The following PCDHGB6 variants were observed in gnomAD, a reference collection of about 807,000 sequenced individuals.
The protein encoded by PCDHGB6 is protocadherin gamma subfamily B, 6.
PCDHGB6 carries 51 observed loss-of-function variants against 59.1 expected under a neutral mutation model. That is an observed-to-expected ratio of 0.86 (90% CI 0.69 to 1.09). The LOEUF is 1.09. Among genes scored for constraint, PCDHGB6 ranks in the 50% least tolerant of loss-of-function variants. The pLI, the probability that PCDHGB6 is intolerant of heterozygous loss-of-function variation, is 0.00. For synonymous variants in PCDHGB6, 466 were observed against 495.1 expected (o/e 0.94, Z 0.78); for missense variants, 1,148 against 1,205.1 (o/e 0.95, Z 0.70).
intron 1 of PCDHGB6, chr5:141,492,007 C>T (rs1261430567): frequency 3.0e-5 from 19 of 628,956 alleles, no homozygotes; most frequent in Non-Finnish European, 4.6e-5. Flanking sequence ...GCGATTTCCG[C>T]GGGTGTCGGG....
At chr5:141,500,876 A>G (rs909126749) in intron 2 of PCDHGB6, among the ~76,000 whole-genome samples, 1 of 124,952 alleles carries the variant, frequency 8.0e-6, no homozygotes, top group African/African-American at 3.5e-5. Flanking sequence ...ATTCATTTAC[A>G]ATTTTTTTTT....
chr5:141,492,833 C>T (rs951935267), intron 1 of PCDHGB6, among the ~76,000 whole-genome samples: 2 of 152,222 alleles, frequency 1.3e-5, no homozygotes, highest in African/African-American at 4.8e-5. Flanking sequence ...CCCTTCCTCC[C>T]GCAGGAAGTG....
chr5:141,450,565 C>A (rs1024229182), intron 1 of PCDHGB6, among the ~76,000 whole-genome samples: 4 of 152,016 alleles, frequency 2.6e-5, no homozygotes, highest in African/African-American at 9.7e-5. Flanking sequence ...CGGCTCACTG[C>A]AACTTCTGCC....
chr5:141,415,040 C>A (rs772941952), intron 1 of PCDHGB6: 3 of 1,613,520 alleles, frequency 1.9e-6, no homozygotes, highest in Non-Finnish European at 2.5e-6. Flanking sequence ...GGACTCTTCG[C>A]GGTGGGGGAG....
chr5:141,460,511 A>G (rs533913282), intron 1 of PCDHGB6, among the ~76,000 whole-genome samples: 2 of 152,286 alleles, frequency 1.3e-5, no homozygotes, highest in Admixed American at 1.3e-4. Context: ...TGAGAAGGCT[A>G]TCTTTTCCCC....
At chr5:141,444,183 T>G (rs2098423667) in intron 1 of PCDHGB6, among the ~76,000 whole-genome samples, 1 of 138,396 alleles carries the variant, frequency 7.2e-6, no homozygotes, top group African/African-American at 2.8e-5. Flanking sequence ...TTTTTTTTTT[T>G]TTTTTGAGAT....
In PCDHGB6 at chr5:141,431,318, G is replaced by T. The variant is rs1309389474; in HGVS notation, c.2418+20698G>T. The T allele has an allele frequency of 6.2e-7, 1 of 1,614,086 alleles. No individual in the cohort carries two copies. Among genetic ancestry groups the T allele is most frequent in the African/African-American group, 1.3e-5 (1 of 75,050 alleles). ...CTCCCTCATCGTGCAAAATGGAGCCGACGGTAGTAAGTACCCCGAATTGGT... is the reference window on the plus strand; with the variant it reads ...CTCCCTCATCGTGCAAAATGGAGCCTACGGTAGTAAGTACCCCGAATTGGT... On this transcript the variant is annotated intron_variant, in intron 1 of 3. Coordinates refer to ENST00000520790, the MANE Select transcript of PCDHGB6 (RefSeq NM_018926.3). The surrounding 1 kb of genome is among the most constrained non-coding windows in gnomAD (Gnocchi z 4.8).
chr5:141,483,257 T>G, intron 1 of PCDHGB6, among the ~76,000 whole-genome samples: 1 of 137,924 alleles, frequency 7.3e-6, no homozygotes, highest in East Asian at 1.9e-4. Flanking sequence ...ATCATGAGGT[T>G]TTTTTGTTTT....
chr5:141,413,588 A>G, intron 1 of PCDHGB6: 1 of 1,613,922 alleles, frequency 6.2e-7, no homozygotes, highest in Non-Finnish European at 8.5e-7. Context: ...CCAAAATTCC[A>G]AGCAGAAAAT....
In PCDHGB6 at chr5:141,422,062, A is replaced by G. The variant is rs776838280; in HGVS notation, c.2418+11442A>G. The G allele has an allele frequency of 1.2e-6, 2 of 1,612,022 alleles. No individual in the cohort carries two copies. The highest frequency in any genetic ancestry group is 2.7e-5 in the African/African-American group (2 of 74,802). ...AGACGAGGGAATCAACGGGGAAGTAATGTATTCATTTCGGAACATGGAAAG... is the reference window on the plus strand; with the variant it reads ...AGACGAGGGAATCAACGGGGAAGTAGTGTATTCATTTCGGAACATGGAAAG... On this transcript the variant is annotated intron_variant, in intron 1 of 3. Transcript: ENST00000520790.
Position 141,491,498 on chromosome 5 carries a change from C to G in PCDHGB6, c.2419-3309C>G. Reference sequence around the variant, plus strand: ...TCCAGCCCCAACCTGCAGGTGAGCTCGGACGGCACGCTCAAGTACATGGAG... The same window carrying G: ...TCCAGCCCCAACCTGCAGGTGAGCTGGGACGGCACGCTCAAGTACATGGAG... On this transcript the variant is annotated intron_variant, in intron 1 of 3. Transcript: ENST00000520790. The surrounding 1 kb of genome is among the most constrained non-coding windows in gnomAD (Gnocchi z 6.9). The G allele has an allele frequency of 6.2e-7, 1 of 1,614,102 alleles. No homozygotes were observed. Among genetic ancestry groups the G allele is most frequent in the Non-Finnish European group, 8.5e-7 (1 of 1,180,018 alleles).
intron 1 of PCDHGB6, chr5:141,478,489 C>G (rs779457709): frequency 5.6e-6 from 9 of 1,613,162 alleles, no homozygotes; most frequent in Middle Eastern, 1.6e-4. Flanking sequence ...CGCTGCGGAG[C>G]TGTGATCCGG....
chr5:141,477,901 C>T lies in PCDHGB6; in HGVS notation c.2419-16906C>T, dbSNP rs2099423750. ...GCCACCTAGTGTCACGGGTGGTAGG[C>T]TGGGACGCGGATGCAGGGCACAATG... On this transcript the variant is annotated intron_variant, in intron 1 of 3. Transcript: ENST00000520790. The surrounding 1 kb of genome is among the most constrained non-coding windows in gnomAD (Gnocchi z 4.9). The T allele has an allele frequency of 1.9e-6, 3 of 1,614,188 alleles. No homozygotes were observed. The highest frequency in any genetic ancestry group is 2.5e-6 in the Non-Finnish European group (3 of 1,180,042).
intron 1 of PCDHGB6, among the ~76,000 whole-genome samples, chr5:141,433,761 T>G (rs2154555909): frequency 6.7e-6 from 1 of 148,664 alleles, no homozygotes; most frequent in Admixed American, 6.8e-5. Context: ...TGCTTTAACC[T>G]GGGAGGTGGA....
In PCDHGB6 at chr5:141,485,507, G is replaced by A. The variant is rs766643911; in HGVS notation, c.2419-9300G>A. 6.8e-6 allele frequency: 11 copies of A among 1,614,174 alleles called. No homozygotes were observed. Among genetic ancestry groups the A allele is most frequent in the Non-Finnish European group, 8.5e-6 (10 of 1,180,036 alleles). ...CGTGCCCCTGGAGTTTGTCACCGAA[G>A]GTCCTTTGGAAATGTACCGAGCAGA... On this transcript the variant is annotated intron_variant, in intron 1 of 3. Transcript: ENST00000520790. The surrounding 1 kb of genome is among the most constrained non-coding windows in gnomAD (Gnocchi z 5.7).
rs1473137465 is a variant in PCDHGB6 at position 141,408,814 on chromosome 5, A to G, written c.612A>G (p.Glu204=). The G allele has an allele frequency of 6.8e-6, 11 of 1,613,456 alleles. No homozygotes were observed. Among genetic ancestry groups the G allele is most frequent in the Non-Finnish European group, 8.5e-6 (10 of 1,179,766 alleles). ...TGGAGAAACTCCTAGACCGGGAAGA[A>G]CAGAGATCTCATAGCTTGATATTGA... The part of the protein sequence containing the change: ...LSLEKLLDRE[E]QRSHSLILTA... Residue 204 remains glutamate, a synonymous_variant, in exon 1 of 4, where the codon GAA becomes GAG. Coordinates refer to ENST00000520790, the MANE Select transcript of PCDHGB6 (RefSeq NM_018926.3).
intron 1 of PCDHGB6, among the ~76,000 whole-genome samples, chr5:141,469,375 G>C (rs942714664): frequency 2.0e-5 from 3 of 152,076 alleles, no homozygotes; most frequent in African/African-American, 7.2e-5. Flanking sequence ...AAGAGATCGA[G>C]ACCATCCTGG....
chr5:141,414,123 C>T (rs1328389134), intron 1 of PCDHGB6: 1 of 1,592,532 alleles, frequency 6.3e-7, no homozygotes. Flanking sequence ...ATGAAGAAAC[C>T]GGTTTCTATG....
chr5:141,510,420 G>A (rs1275392355), intron 3 of PCDHGB6, among the ~76,000 whole-genome samples: 2 of 152,126 alleles, frequency 1.3e-5, no homozygotes, highest in Non-Finnish European at 2.9e-5. Flanking sequence ...TAAAGCCATG[G>A]TTTCATGGCT....
Sources: gnomAD v4.1 joint callset for allele counts (sites outside exome capture counted in the v4.1 genomes callset) on GRCh38, gnomAD v4.1.1 for gene constraint, Gnocchi (gnomAD v3.1) non-coding constraint, MANE v1.5 for transcripts, NCBI Gene and HGNC (gene_info 2026-07-23, HGNC 2026-07-21) for gene names.